Variants in PABPC4L observed in about 807,000 individuals in gnomAD.
PABPC4L encodes poly(A) binding protein cytoplasmic 4 like, also known as polyadenylate-binding protein 4-like.
For synonymous variants in PABPC4L, 169 were observed against 164.1 expected (o/e 1.03, Z -0.23); for missense variants, 452 against 451.4 (o/e 1.00, Z -0.01).
chr4:134,046,156 C>A, the PABPC4L span, among the ~76,000 whole-genome samples: 1 of 152,036 alleles, frequency 6.6e-6, no homozygotes, highest in Non-Finnish European at 1.5e-5. Flanking sequence ...TGAGTTCCCT[C>A]AGAATTTATT....
chr4:133,992,983 C>T, the PABPC4L span, among the ~76,000 whole-genome samples: 2 of 151,994 alleles, frequency 1.3e-5, no homozygotes, highest in Non-Finnish European at 2.9e-5. Context: ...TTTAATGCAT[C>T]GTGCTGGAAT....
the PABPC4L span, among the ~76,000 whole-genome samples, chr4:134,140,920 A>G: frequency 6.6e-6 from 1 of 151,728 alleles, no homozygotes; most frequent in African/African-American, 2.4e-5. Flanking sequence ...GATTTCCTAA[A>G]TCTTCTTAGG....
chr4:134,035,097 C>G, the PABPC4L span, among the ~76,000 whole-genome samples: 1 of 151,994 alleles, frequency 6.6e-6, no homozygotes, highest in Non-Finnish European at 1.5e-5. Context: ...AACGTGGAGA[C>G]AAAGTCTGCC....
the PABPC4L span, among the ~76,000 whole-genome samples, chr4:134,122,583 T>G: frequency 6.6e-6 from 1 of 151,836 alleles, no homozygotes; most frequent in African/African-American, 2.4e-5. Context: ...CCAAATGCAT[T>G]CAAAATGTTG....
chr4:134,032,530 C>CA, the PABPC4L span, among the ~76,000 whole-genome samples: 1 of 151,802 alleles, frequency 6.6e-6, no homozygotes, highest in African/African-American at 2.4e-5. Context: ...GATTTGTTTG[C>CA]AAAAATTTGC....
At chr4:134,091,022 T>C in the PABPC4L span, among the ~76,000 whole-genome samples, 1 of 152,058 alleles carries the variant, frequency 6.6e-6, no homozygotes, top group African/African-American at 2.4e-5. Context: ...GGTATTAACC[T>C]GTGCAGTGAT....
the PABPC4L span, among the ~76,000 whole-genome samples, chr4:134,016,271 A>G: frequency 6.6e-6 from 1 of 152,176 alleles, no homozygotes; most frequent in Admixed American, 6.5e-5. Context: ...CAAAAGGACT[A>G]AACGTCAATA....
the PABPC4L span, among the ~76,000 whole-genome samples, chr4:133,957,257 G>C: frequency 6.6e-6 from 1 of 152,062 alleles, no homozygotes; most frequent in Non-Finnish European, 1.5e-5. Flanking sequence ...TTCCAAATGG[G>C]AGAAATGGGC....
the PABPC4L span, among the ~76,000 whole-genome samples, chr4:133,983,951 GTA>G: frequency 6.6e-6 from 1 of 151,674 alleles, no homozygotes; most frequent in Non-Finnish European, 1.5e-5. Flanking sequence ...TAAATATTTT[GTA>G]TAGTCTTTCA....
At chr4:134,168,992 C>T in the PABPC4L span, among the ~76,000 whole-genome samples, 146 of 152,136 alleles carry the variant, frequency 9.6e-4, 1 homozygote, top group Non-Finnish European at 1.6e-3. Flanking sequence ...AAAACAGCAG[C>T]AACAAACTGT....
the PABPC4L span, among the ~76,000 whole-genome samples, chr4:134,038,831 G>C: frequency 6.6e-6 from 1 of 151,912 alleles, no homozygotes; most frequent in African/African-American, 2.4e-5. Context: ...CTTCAGTTCT[G>C]CTCTGATCTT....
the PABPC4L span, among the ~76,000 whole-genome samples, chr4:133,981,161 G>GT: frequency 7.9e-6 from 1 of 126,382 alleles, no homozygotes; most frequent in Non-Finnish European, 1.5e-5. Context: ...ACTCCACTGG[G>GT]GAAAAAAAAA....
chr4:134,152,998 C>T, the PABPC4L span, among the ~76,000 whole-genome samples: 253 of 152,100 alleles, frequency 1.7e-3, 2 homozygotes, highest in African/African-American at 5.6e-3. Flanking sequence ...ACTAATAGAC[C>T]AAGAACTCAC....
At chr4:134,195,130 C>T (rs1195135437), downstream of PABPC4L, among the ~76,000 whole-genome samples, 1 of 151,610 alleles carries the variant, frequency 6.6e-6, no homozygotes, top group African/African-American at 2.4e-5. Flanking sequence ...CTAATGCTTC[C>T]TATGGTAATT....
At chr4:134,158,339 A>G in the PABPC4L span, among the ~76,000 whole-genome samples, 1 of 152,016 alleles carries the variant, frequency 6.6e-6, no homozygotes, top group Non-Finnish European at 1.5e-5. Flanking sequence ...CTCTATAGAT[A>G]AACATATATT....
At position 134,198,302 on chromosome 4, in the gene PABPC4L, G is replaced by T. The variant is rs568039143; in HGVS notation, c.*1605C>A. On this transcript the variant is annotated 3_prime_UTR_variant, in exon 2 of 2. Coordinates refer to ENST00000421491, the MANE Select transcript of PABPC4L (RefSeq NM_001114734.2). ...ATGTAACAAATTATAATAGGGAATT[G>T]GTTTGCATAATACAATTATATGCAA... The T allele has an allele frequency of 6.6e-6, 1 of 151,548 alleles. No individual in the cohort carries two copies. Among genetic ancestry groups the T allele is most frequent in the South Asian group, 2.1e-4 (1 of 4,816 alleles). The allele number at this position is 151,548 out of a possible 1,614,324, so 9.4% of individuals were successfully genotyped here. A position where few individuals can be genotyped will look rare whatever the true frequency, so the allele number is the denominator to read the frequency against.
chr4:134,067,076 T>C, the PABPC4L span, among the ~76,000 whole-genome samples: 1 of 152,138 alleles, frequency 6.6e-6, no homozygotes, highest in Non-Finnish European at 1.5e-5. Context: ...AAATCTCTCC[T>C]CCTTAATTTT....
intron 1 of PABPC4L, among the ~76,000 whole-genome samples, chr4:134,201,489 C>G (rs1432299023): frequency 3.3e-5 from 5 of 152,138 alleles, no homozygotes; most frequent in African/African-American, 1.2e-4. Flanking sequence ...AGGTTCTGCC[C>G]GGCAGAGACC....
At chr4:134,139,753 GGCCTCAAGT>G in the PABPC4L span, among the ~76,000 whole-genome samples, 1 of 150,868 alleles carries the variant, frequency 6.6e-6, no homozygotes, top group African/African-American at 2.4e-5. Flanking sequence ...TCAAACTCCT[GGCCTCAAGT>G]GATCCTTCCA....
Sources: allele counts gnomAD v4.1 joint callset (sites outside exome capture counted in the v4.1 genomes callset), GRCh38; gene constraint gnomAD v4.1.1; transcripts MANE v1.5; gene names NCBI Gene and HGNC (gene_info 2026-07-23, HGNC 2026-07-21).